Variants in CLEC16A observed in about 807,000 individuals in gnomAD.
CLEC16A encodes the protein protein CLEC16A.
CLEC16A carries 51 observed loss-of-function variants against 109.5 expected under a neutral mutation model. The observed-to-expected ratio is 0.47, with a 90% CI of 0.37 to 0.59. The LOEUF is 0.59. Ranked by LOEUF, CLEC16A falls within the 20% of genes least tolerant of loss-of-function variation. CLEC16A has a pLI of 0.00. For missense variants in CLEC16A, 1,339 were observed against 1,394.0 expected (o/e 0.96, Z 0.63); for synonymous variants, 673 against 564.2 (o/e 1.19, Z -2.73).
chr16:11,098,395 C>G (rs2050726197), intron 19 of CLEC16A, among the ~76,000 whole-genome samples: 1 of 152,234 alleles, frequency 6.6e-6, no homozygotes. Context: ...AAACTGCTAC[C>G]AGGTATTTGC....
At chr16:11,076,569 G>A (rs1008567232) in intron 19 of CLEC16A, among the ~76,000 whole-genome samples, 5 of 152,152 alleles carry the variant, frequency 3.3e-5, no homozygotes, top group African/African-American at 1.2e-4. Flanking sequence ...AGTGAACCCA[G>A]CCACCAGATT....
chr16:11,040,026 C>T (rs1049689365), intron 14 of CLEC16A, 150 bp downstream of exon 14: 3 of 947,834 alleles, frequency 3.2e-6, no homozygotes, highest in Non-Finnish European at 4.5e-6. Context: ...CCCCTGCATC[C>T]TGGGCCAGCC....
intron 10 of CLEC16A, among the ~76,000 whole-genome samples, 182 bp from the exon 11 acceptor site, chr16:11,002,892 C>T (rs1167128252): frequency 2.6e-5 from 4 of 151,910 alleles, no homozygotes; most frequent in African/African-American, 7.3e-5. Flanking sequence ...ACACTTAGGC[C>T]GATTCCATGT....
chr16:11,178,634 G>A lies in CLEC16A; in HGVS notation c.3106G>A (p.Glu1036Lys). The A allele has an allele frequency of 6.3e-7, 1 of 1,589,198 alleles. No individual in the cohort carries two copies. Among genetic ancestry groups the A allele is most frequent in the Non-Finnish European group, 8.5e-7 (1 of 1,171,764 alleles). Reference sequence around the variant, plus strand: ...GTCCACGCCGGCTGCCGCCTGCACAGAGCCCGTGGGCGAAGAGGCTGCATG... The same window carrying A: ...GTCCACGCCGGCTGCCGCCTGCACAAAGCCCGTGGGCGAAGAGGCTGCATG... ...PLSTPAAACTEPVGEEAACAE... is the reference protein window; with the variant it reads ...PLSTPAAACTKPVGEEAACAE... The change falls in exon 24 of 24, where the codon GAG (glutamate) becomes AAG (lysine). Residue 1036 changes from glutamate to lysine, a missense_variant. Physicochemically the swap from Glu to Lys is moderately conservative, Grantham distance 56. Transcript: ENST00000409790. The surrounding 1 kb of genome is among the most constrained non-coding windows in gnomAD (Gnocchi z 6.5).
At chr16:11,121,594 C>T (rs1425274942) in intron 20 of CLEC16A, among the ~76,000 whole-genome samples, 1 of 151,460 alleles carries the variant, frequency 6.6e-6, no homozygotes, top group Non-Finnish European at 1.5e-5. Context: ...TGTTTGCCAA[C>T]GTGGGCCAGA....
At position 11,024,949 on chromosome 16, in the gene CLEC16A, C is replaced by A. The variant is rs200910184; in HGVS notation, c.1537+28C>A. On this transcript the variant is annotated intron_variant, in intron 13 of 23. Transcript: ENST00000409790. ...AAGCACCCTTGCCTTGCCTGACTTCCTTGCTGGGCCCTGCATACCCATAGC... is the reference window on the plus strand; with the variant it reads ...AAGCACCCTTGCCTTGCCTGACTTCATTGCTGGGCCCTGCATACCCATAGC... 2.5e-4 allele frequency: 379 copies of A among 1,507,510 alleles called. 2 individuals carry two copies. The African/African-American group carries it at 3.9e-3, about 16-fold the overall frequency. The allele number at this position is 1,507,510 out of a possible 1,614,324, so 93.4% of individuals were successfully genotyped here. A position where few individuals can be genotyped will look rare whatever the true frequency, so the allele number is the denominator to read the frequency against.
intron 2 of CLEC16A, among the ~76,000 whole-genome samples, chr16:10,958,363 G>C (rs973246804): frequency 6.6e-6 from 1 of 152,046 alleles, no homozygotes; most frequent in Non-Finnish European, 1.5e-5. Flanking sequence ...AGGCCCTGTT[G>C]GTGTCCCCTT....
chr16:11,036,635 C>T (rs1398931563), intron 13 of CLEC16A, among the ~76,000 whole-genome samples: 2 of 151,124 alleles, frequency 1.3e-5, no homozygotes, highest in Non-Finnish European at 2.9e-5. Context: ...CTGCAACCTC[C>T]GCCTCCTGGG....
rs569217167 is a variant in CLEC16A at position 10,944,732 on chromosome 16, G to A, written c.15G>A (p.Ser5=). 3 of 1,608,270 alleles carry A rather than the reference G, an allele frequency of 1.9e-6. No individual in the cohort carries two copies. In the East Asian group the frequency reaches 6.7e-5, roughly 36 times the overall value. ...GGGCCGCCGACATGTTTGGCCGCTC[G>A]CGGAGCTGGGTGGGCGGGGGCCATG... is the stretch of plus-strand genomic sequence containing the variant. MFGR[S]RSWVGGGHGK... is the part of the protein sequence containing the mutation. The change falls in exon 1 of 24, where the codon TCG becomes TCA. Residue 5 remains serine (S), a synonymous_variant. Transcript: ENST00000409790.
At chr16:11,097,864 C>G (rs2050693714) in intron 19 of CLEC16A, among the ~76,000 whole-genome samples, 2 of 152,234 alleles carry the variant, frequency 1.3e-5, no homozygotes. Flanking sequence ...TATGATCAGA[C>G]TCCACCAACT....
At chr16:10,970,397 GCACAAGAC>G (rs1407732680) in intron 4 of CLEC16A, among the ~76,000 whole-genome samples, 2 of 152,176 alleles carry the variant, frequency 1.3e-5, no homozygotes, top group East Asian at 3.8e-4. Context: ...GCTGGGATAA[GCACAAGAC>G]CAGAAATGAT....
rs756014800 is a variant in CLEC16A, at chr16:10,944,763, A to G, written c.46A>G (p.Thr16Ala). 65 of 1,609,550 alleles carry G rather than the reference A, an allele frequency of 4.0e-5. No individual in the cohort carries two copies. Among genetic ancestry groups the G allele is most frequent in the Middle Eastern group, 1.6e-4 (1 of 6,076 alleles). ...CTGGGTGGGCGGGGGCCATGGCAAG[A>G]CTTCCCGCAACATCCACTCCTTGGA... Reference protein sequence around the residue: ...RSWVGGGHGKTSRNIHSLDHL... With the variant: ...RSWVGGGHGKASRNIHSLDHL... Residue 16 changes from threonine to alanine, a missense_variant, in exon 1 of 24, where the codon ACT becomes GCT. This residue lies in a region of CLEC16A where 117 missense variants were observed against 120.2 expected (regional missense o/e 0.97). Transcript: ENST00000409790.
chr16:10,948,228 A>G (rs1418780834), intron 1 of CLEC16A, among the ~76,000 whole-genome samples: 1 of 152,212 alleles, frequency 6.6e-6, no homozygotes. Flanking sequence ...TGAGATTTAC[A>G]GAAAGGTTGA....
intron 22 of CLEC16A, among the ~76,000 whole-genome samples, chr16:11,133,285 G>C (rs2053343476): frequency 6.6e-6 from 1 of 151,730 alleles, no homozygotes; most frequent in African/African-American, 2.4e-5. Flanking sequence ...GTTGCAGTGA[G>C]CTGAGATCTT....
chr16:11,125,162 C>G (rs565497441), intron 21 of CLEC16A, among the ~76,000 whole-genome samples: 1 of 152,178 alleles, frequency 6.6e-6, no homozygotes, highest in Non-Finnish European at 1.5e-5. Context: ...TGCACAGGCC[C>G]GCGTCCCACG....
At chr16:11,054,787 G>C (rs1270223744) in intron 18 of CLEC16A, among the ~76,000 whole-genome samples, 1 of 152,206 alleles carries the variant, frequency 6.6e-6, no homozygotes, top group African/African-American at 2.4e-5. Context: ...TCAGAAATCA[G>C]AACACACCAA....
intron 19 of CLEC16A, among the ~76,000 whole-genome samples, chr16:11,095,771 C>G (rs544818267): frequency 3.3e-5 from 5 of 149,628 alleles, no homozygotes; most frequent in African/African-American, 5.0e-5. Context: ...GAGATCGTAC[C>G]GCTGCACTCC....
At chr16:11,008,081 C>G (rs891443104) in intron 11 of CLEC16A, among the ~76,000 whole-genome samples, 1 of 152,176 alleles carries the variant, frequency 6.6e-6, no homozygotes, top group South Asian at 2.1e-4. Flanking sequence ...CACACACTCT[C>G]GGTCGTTGTC....
At chr16:11,119,906 G>A (rs1274631931) in intron 19 of CLEC16A, among the ~76,000 whole-genome samples, 3 of 152,100 alleles carry the variant, frequency 2.0e-5, no homozygotes, top group African/African-American at 4.8e-5. Context: ...CCATTTGTTT[G>A]TGTCATCTTC....
Sources: gnomAD v4.1 joint callset for allele counts (sites outside exome capture counted in the v4.1 genomes callset) on GRCh38, gnomAD v4.1.1 for gene constraint, gnomAD v4.1.1 regional missense constraint, Gnocchi (gnomAD v3.1) non-coding constraint, MANE v1.5 for transcripts, NCBI Gene and HGNC (gene_info 2026-07-23, HGNC 2026-07-21) for gene names.